The following GRIA2 variants were observed in gnomAD, a reference collection of about 807,000 sequenced individuals.
The protein encoded by GRIA2 is glutamate ionotropic receptor AMPA type subunit 2.
A neutral mutation model predicts 97.3 loss-of-function variants in GRIA2; 14 were observed. The observed-to-expected ratio is 0.14, with a 90% CI of 0.10 to 0.23. The LOEUF (loss-of-function observed/expected upper bound fraction) is 0.23. GRIA2 is among the 10% of genes least tolerant of loss of function. GRIA2 has a pLI of 1.00. For synonymous variants in GRIA2, 412 were observed against 387.8 expected (o/e 1.06, Z -0.73); for missense variants, 558 against 1,069.8 (o/e 0.52, Z 6.67).
intron 12 of GRIA2, 114 bp from the exon 13 acceptor site, chr4:157,359,782 G>C: frequency 1.2e-6 from 1 of 855,694 alleles, no homozygotes; most frequent in Non-Finnish European, 1.8e-6. Flanking sequence ...GATGAGATTT[G>C]TTCATATTGT....
intron 2 of GRIA2, among the ~76,000 whole-genome samples, chr4:157,238,267 T>G (rs549680387): frequency 6.6e-6 from 1 of 152,144 alleles, no homozygotes; most frequent in African/African-American, 2.4e-5. Flanking sequence ...AAACTGTGTA[T>G]TTTTGGCCAA....
chr4:157,239,525 C>T (rs1489427090), intron 2 of GRIA2, among the ~76,000 whole-genome samples: 3 of 151,750 alleles, frequency 2.0e-5, no homozygotes, highest in Non-Finnish European at 4.4e-5. Flanking sequence ...TTTTATATTG[C>T]TCTATTTTCA....
intron 2 of GRIA2, among the ~76,000 whole-genome samples, chr4:157,283,803 A>T (rs1400482018): frequency 6.6e-6 from 1 of 151,864 alleles, no homozygotes; most frequent in East Asian, 1.9e-4. Context: ...AATTAGCCAA[A>T]TCTTCATTGG....
At position 157,278,036 on chromosome 4, in the gene GRIA2, G is replaced by T. The variant is rs184545575; in HGVS notation, c.230-25516G>T. 2.7e-3 allele frequency among the ~76,000 whole-genome samples: 409 copies of T among 151,342 alleles called. 4 individuals are homozygous for T. Among genetic ancestry groups the T allele is most frequent in the African/African-American group, 9.3e-3 (386 of 41,394 alleles). On this transcript the variant is annotated intron_variant, in intron 2 of 15. Transcript: ENST00000264426. ...AAGACTCAATGTTGTCAAGATGTCA[G>T]TTCATCCCAACTTGATTTATAGATT...
chr4:157,236,734 G>T (rs936792402), intron 2 of GRIA2, among the ~76,000 whole-genome samples: 15 of 152,034 alleles, frequency 9.9e-5, no homozygotes, highest in African/African-American at 2.9e-4. Flanking sequence ...GTATCTTATT[G>T]TTTACATTTA....
At chr4:157,320,831 CAT>C (rs1425217665) in intron 5 of GRIA2, among the ~76,000 whole-genome samples, 1 of 151,958 alleles carries the variant, frequency 6.6e-6, no homozygotes, top group Non-Finnish European at 1.5e-5. Context: ...GTAAATATCA[CAT>C]AATAGTTTTA....
intron 12 of GRIA2, among the ~76,000 whole-genome samples, chr4:157,355,838 T>C (rs1378085213): frequency 1.5e-5 from 1 of 68,208 alleles, no homozygotes; most frequent in East Asian, 4.9e-4. Context: ...TATATATTTT[T>C]ATATATTTAT....
In GRIA2 at chr4:157,292,984, G is replaced by A. The variant is rs554673915; in HGVS notation, c.230-10568G>A. Among the ~76,000 whole-genome samples the A allele has an allele frequency of 3.3e-5, 5 of 152,120 alleles. No homozygotes were observed. In the South Asian group the frequency reaches 6.2e-4, roughly 19 times the overall value. ...TGCGTACTGTCAAGAGTACAAAAAC[G>A]TAAGTTGCCATTATTAAAACAAAAA... On this transcript the variant is annotated intron_variant, in intron 2 of 15. Transcript: ENST00000264426.
chr4:157,304,698 C>T (rs1357456369), intron 3 of GRIA2, among the ~76,000 whole-genome samples: 1 of 152,154 alleles, frequency 6.6e-6, no homozygotes, highest in Non-Finnish European at 1.5e-5. Flanking sequence ...CCCTCAGCAG[C>T]TTGCTTCCTG....
chr4:157,317,595 AC>A, intron 4 of GRIA2, 62 bp from the exon 5 acceptor site: 2 of 682,148 alleles, frequency 2.9e-6, no homozygotes, highest in Non-Finnish European at 5.2e-6. Context: ...AGATCATAAT[AC>A]CATTAATTTT....
At chr4:157,230,870 T>A (rs11722014) in intron 2 of GRIA2, among the ~76,000 whole-genome samples, 23,771 of 151,836 alleles carry the variant, frequency 0.16, 1,962 homozygotes, top group African/African-American at 0.17. Flanking sequence ...TTTTATTTCT[T>A]AGCGAAAGGG....
At chr4:157,319,558 T>C (rs1325279363) in intron 5 of GRIA2, among the ~76,000 whole-genome samples, 1 of 152,188 alleles carries the variant, frequency 6.6e-6, no homozygotes, top group African/African-American at 2.4e-5. Context: ...AATCAATAAG[T>C]TCGAAAGGCT....
chr4:157,304,805 G>A (rs1223564036), intron 3 of GRIA2, among the ~76,000 whole-genome samples: 3 of 152,080 alleles, frequency 2.0e-5, no homozygotes, highest in Non-Finnish European at 2.9e-5. Context: ...AGAGCCAGCC[G>A]TCAGTCAATT....
chr4:157,266,700 G>A (rs537584204), intron 2 of GRIA2, among the ~76,000 whole-genome samples: 1 of 151,994 alleles, frequency 6.6e-6, no homozygotes, highest in Admixed American at 6.6e-5. Flanking sequence ...GAGAGAAGGA[G>A]TAGAGAATGA....
At chr4:157,260,504 C>T (rs1045666277) in intron 2 of GRIA2, among the ~76,000 whole-genome samples, 17 of 152,014 alleles carry the variant, frequency 1.1e-4, no homozygotes, top group Non-Finnish European at 2.4e-4. Flanking sequence ...AATCCTAGCA[C>T]CATGAACGAG....
At chr4:157,273,225 A>T (rs1009424283) in intron 2 of GRIA2, among the ~76,000 whole-genome samples, 1 of 152,110 alleles carries the variant, frequency 6.6e-6, no homozygotes, top group African/African-American at 2.4e-5. Context: ...AATGCACTAG[A>T]GCATCCACAT....
chr4:157,293,793 G>T (rs954179613), intron 2 of GRIA2, among the ~76,000 whole-genome samples: 6 of 152,024 alleles, frequency 3.9e-5, no homozygotes, highest in Admixed American at 2.0e-4. Context: ...GCGACAGTCA[G>T]GGCAATGTTA....
intron 2 of GRIA2, among the ~76,000 whole-genome samples, chr4:157,266,485 G>A (rs1173924896): frequency 1.3e-5 from 2 of 152,038 alleles, no homozygotes; most frequent in African/African-American, 4.8e-5. Context: ...GCGGTTTCCA[G>A]TAGGTTATGA....
intron 2 of GRIA2, among the ~76,000 whole-genome samples, chr4:157,222,898 C>G (rs1729570538): frequency 6.6e-6 from 1 of 152,218 alleles, no homozygotes; most frequent in Admixed American, 6.5e-5. Flanking sequence ...GGCAGGCAGT[C>G]GCGGCCACTG....
Sources: allele counts gnomAD v4.1 joint callset (sites outside exome capture counted in the v4.1 genomes callset), GRCh38; gene constraint gnomAD v4.1.1; transcripts MANE v1.5; gene names NCBI Gene and HGNC (gene_info 2026-07-23, HGNC 2026-07-21).